The following BCL2L13 variants were observed in gnomAD, a reference collection of about 807,000 sequenced individuals.
BCL2L13 encodes bcl-2-like protein 13.
A neutral mutation model predicts 25.8 loss-of-function variants in BCL2L13; 13 were observed. That is an observed-to-expected ratio of 0.50 (90% CI 0.33 to 0.80). The LOEUF is 0.80. BCL2L13 is among the 30% of genes least tolerant of loss of function. The pLI is 0.02. For missense variants in BCL2L13, 504 were observed against 574.9 expected (o/e 0.88, Z 1.26); for synonymous variants, 244 against 230.3 (o/e 1.06, Z -0.54).
chr22:17,677,500 G>C lies in BCL2L13; in HGVS notation c.122-5714G>C, dbSNP rs149714962. 1.2e-3 allele frequency among the ~76,000 whole-genome samples: 189 copies of C among 152,270 alleles called. 1 individual carries two copies. The highest frequency in any genetic ancestry group is 2.1e-3 in the Non-Finnish European group (142 of 68,016). ...GTAATCCCAGCGTGAGGGAGGCCAA[G>C]GTGGGCGGCCTGCTTGAGCCCAGGA... is the stretch of plus-strand genomic sequence containing the variant. On this transcript the variant is annotated intron_variant, in intron 2 of 6. Transcript: ENST00000317582.
At chr22:17,719,475 A>G (rs578195105) in intron 6 of BCL2L13, among the ~76,000 whole-genome samples, 2 of 152,226 alleles carry the variant, frequency 1.3e-5, no homozygotes, top group South Asian at 4.1e-4. Flanking sequence ...GGACATTTAT[A>G]ACAACACTAT....
upstream of BCL2L13, among the ~76,000 whole-genome samples, chr22:17,634,295 C>T (rs1480289454): frequency 6.6e-6 from 1 of 152,096 alleles, no homozygotes; most frequent in Non-Finnish European, 1.5e-5. Context: ...AAGCCATTCA[C>T]CTGCCTCAGT....
intron 2 of BCL2L13, among the ~76,000 whole-genome samples, chr22:17,675,901 T>C (rs1407217069): frequency 6.6e-6 from 1 of 152,224 alleles, no homozygotes; most frequent in Non-Finnish European, 1.5e-5. Context: ...AGCCTTATTT[T>C]ATATTACATG....
rs539355727 is a variant in BCL2L13 at position 17,713,318 on chromosome 22, A to G, written c.600+10932A>G. ...ACACACCCTAAACATAAAAGAGCCA[A>G]TTATTTAGTTGCTCAAACTAAACAA... is the stretch of plus-strand genomic sequence containing the variant. On this transcript the variant is annotated intron_variant, in intron 6 of 6. Transcript: ENST00000317582. Among the ~76,000 whole-genome samples the G allele has an allele frequency of 6.6e-4, 100 of 152,304 alleles. 1 individual carries two copies. Among genetic ancestry groups the G allele is most frequent in the African/African-American group, 2.4e-3 (99 of 41,564 alleles).
At chr22:17,702,455 T>C in intron 6 of BCL2L13, 69 bp downstream of exon 6, 2 of 1,395,744 alleles carry the variant, frequency 1.4e-6, no homozygotes, top group Non-Finnish European at 9.4e-7. Flanking sequence ...TCTTAAGAGA[T>C]GGGTTCTTGC....
intron 5 of BCL2L13, among the ~76,000 whole-genome samples, chr22:17,701,446 T>TA (rs941019320): frequency 3.3e-5 from 5 of 152,250 alleles, no homozygotes; most frequent in African/African-American, 1.2e-4. Flanking sequence ...GACATATATA[T>TA]ATGTGTATAT....
intron 4 of BCL2L13, 97 bp downstream of exon 4, chr22:17,689,239 T>G: frequency 1.9e-6 from 2 of 1,043,028 alleles, no homozygotes. Flanking sequence ...AGGTGAACAG[T>G]GTCACTTCTT....
At chr22:17,663,425 C>T (rs769752253) in intron 2 of BCL2L13, among the ~76,000 whole-genome samples, 92 of 152,096 alleles carry the variant, frequency 6.0e-4, no homozygotes, top group Non-Finnish European at 1.0e-3. Context: ...AAAATTATAT[C>T]AAAATGACTA....
chr22:17,629,501 G>A (rs2057958953), intron 1 of BCL2L13, among the ~76,000 whole-genome samples: 1 of 152,132 alleles, frequency 6.6e-6, no homozygotes. Flanking sequence ...TATTAGGACA[G>A]AAATCCCCCC....
chr22:17,715,122 T>TTATTTATATATATATA (rs2060877907), intron 6 of BCL2L13, among the ~76,000 whole-genome samples: 1 of 52,982 alleles, frequency 1.9e-5, no homozygotes, highest in Non-Finnish European at 3.4e-5. Flanking sequence ...AGTGTTAATT[T>TTATTTATATATATATA]TATATATATA....
At chr22:17,710,545 A>G (rs1437233846) in intron 6 of BCL2L13, among the ~76,000 whole-genome samples, 1 of 151,768 alleles carries the variant, frequency 6.6e-6, no homozygotes, top group African/African-American at 2.4e-5. Flanking sequence ...ACGCCACTGC[A>G]CTCCAGCCTG....
rs756286371 is a variant in BCL2L13 at position 17,702,346 on chromosome 22, A to G, written c.560A>G (p.Glu187Gly). 6.2e-7 allele frequency: 1 copy of G among 1,611,736 alleles called. No homozygotes were observed. Among genetic ancestry groups the G allele is most frequent in the African/African-American group, 1.3e-5 (1 of 74,870 alleles). The change falls in exon 6 of 7, where the codon GAG becomes GGG. Residue 187 changes from glutamate (E) to glycine (G), a missense_variant. Glu to Gly is a moderately conservative substitution (Grantham distance 98). Coordinates refer to ENST00000317582, the MANE Select transcript of BCL2L13 (RefSeq NM_015367.4). Reference protein sequence around the residue: ...ALLQFGVTYLEDYSAEYIIQQ... With the variant: ...ALLQFGVTYLGDYSAEYIIQQ... ...CTGCAGTTTGGCGTGACATACCTGG[A>G]GGACTATTCGGCAGAGTACATCATT...
intron 1 of BCL2L13, among the ~76,000 whole-genome samples, chr22:17,650,045 AG>A (rs2058629930): frequency 7.0e-6 from 1 of 142,396 alleles, no homozygotes; most frequent in Non-Finnish European, 1.5e-5. Context: ...TAATTTTCAT[AG>A]TTTTGAAGAG....
chr22:17,640,860 T>C (rs539827526), intron 1 of BCL2L13, among the ~76,000 whole-genome samples: 226 of 149,324 alleles, frequency 1.5e-3, no homozygotes, highest in African/African-American at 5.3e-3. Flanking sequence ...AAAAAATATA[T>C]ATATGTTTGT....
intron 1 of BCL2L13, among the ~76,000 whole-genome samples, chr22:17,650,447 G>T (rs984162292): frequency 3.9e-5 from 6 of 151,950 alleles, no homozygotes; most frequent in African/African-American, 1.5e-4. Flanking sequence ...TAAAAATAAG[G>T]TAAATAAAAA....
At chr22:17,682,386 G>C (rs1293707453) in intron 2 of BCL2L13, among the ~76,000 whole-genome samples, 1 of 152,126 alleles carries the variant, frequency 6.6e-6, no homozygotes, top group Non-Finnish European at 1.5e-5. Flanking sequence ...AAATTACAAA[G>C]CATGTATAAA....
intron 6 of BCL2L13, among the ~76,000 whole-genome samples, chr22:17,714,162 G>A (rs530279486): frequency 6.2e-4 from 95 of 152,050 alleles, no homozygotes; most frequent in African/African-American, 2.0e-3. Flanking sequence ...GCGTGGTGGC[G>A]GGCACCTGTA....
chr22:17,649,095 G>A (rs932392252), intron 1 of BCL2L13, among the ~76,000 whole-genome samples: 1 of 151,542 alleles, frequency 6.6e-6, no homozygotes, highest in African/African-American at 2.4e-5. Flanking sequence ...ACTTGTGCCC[G>A]GCTCAATTTT....
chr22:17,655,438 T>C (rs2058824104), intron 1 of BCL2L13, among the ~76,000 whole-genome samples: 1 of 150,876 alleles, frequency 6.6e-6, no homozygotes, highest in Non-Finnish European at 1.5e-5. Flanking sequence ...TTTTTTTTTT[T>C]TCTTTGAGAG....
Sources: allele counts gnomAD v4.1 joint callset (sites outside exome capture counted in the v4.1 genomes callset), GRCh38; gene constraint gnomAD v4.1.1; transcripts MANE v1.5; gene names NCBI Gene and HGNC (gene_info 2026-07-23, HGNC 2026-07-21).